ASXL1: variants seen among roughly 807,000 people sequenced by gnomAD.
The protein encoded by ASXL1 is ASXL transcriptional regulator 1.
ASXL1 carries 65 observed loss-of-function variants against 89.1 expected under a neutral mutation model. That is an observed-to-expected ratio of 0.73 (90% CI 0.60 to 0.90). The LOEUF (loss-of-function observed/expected upper bound fraction) is 0.90, where lower values mean the gene tolerates loss of function less well. Ranked by LOEUF, ASXL1 falls within the 40% of genes least tolerant of loss-of-function variation. ASXL1 has a pLI of 0.00. For synonymous variants in ASXL1, 739 were observed against 746.9 expected (o/e 0.99, Z 0.17); for missense variants, 1,786 against 1,942.9 (o/e 0.92, Z 1.52).
intron 4 of ASXL1, among the ~76,000 whole-genome samples, chr20:32,420,710 A>G (rs2049228007): frequency 6.6e-6 from 1 of 152,142 alleles, no homozygotes; most frequent in Non-Finnish European, 1.5e-5. Context: ...TTCAAAATGT[A>G]TTTGTAAAAG....
intron 4 of ASXL1, among the ~76,000 whole-genome samples, chr20:32,411,210 G>T: frequency 1.8e-5 from 2 of 112,326 alleles, no homozygotes; most frequent in Non-Finnish European, 4.0e-5. Flanking sequence ...GTGAATTTAT[G>T]GATTCTTTTT....
rs1293181309 is a variant in ASXL1, at chr20:32,363,126, GTT to G, written c.58-3255_58-3254del. On this transcript the variant is annotated intron_variant, in intron 1 of 12. Transcript: ENST00000375687. ...ATACCAAGAGCTGGAGGCATAAACAGTTTTAATAAAAAAGAATACTTTGTATC... is the reference window on the plus strand; with the variant it reads ...ATACCAAGAGCTGGAGGCATAAACAGTTAATAAAAAAGAATACTTTGTATC... 2.0e-5 allele frequency among the ~76,000 whole-genome samples: 3 copies of G among 152,124 alleles called. No homozygotes were observed. The East Asian group carries it at 5.8e-4, about 29-fold the overall frequency.
chr20:32,363,424 A>G (rs1339580355), intron 1 of ASXL1, among the ~76,000 whole-genome samples: 1 of 152,224 alleles, frequency 6.6e-6, no homozygotes, highest in African/African-American at 2.4e-5. Context: ...TGGAATACAG[A>G]GGTGGATAAG....
chr20:32,436,287 A>T lies in ASXL1; in HGVS notation c.3575A>T (p.Glu1192Val), dbSNP rs927802180. 1.9e-6 allele frequency: 3 copies of T among 1,614,086 alleles called. No individual in the cohort carries two copies. The African/African-American group carries it at 4.0e-5, about 22-fold the overall frequency. The change falls in exon 13 of 13, where the codon GAG (glutamate) becomes GTG (valine). Residue 1192 changes from glutamate (E) to valine (V), a missense_variant. Around this residue, in one of 3 missense-constraint regions of ASXL1, gnomAD observed 1,418 missense variants for 1,427.8 expected, o/e 0.99. Transcript: ENST00000375687. ...ACAGGCACTGGTCTTGCCAGGATTG[A>T]GGCCACCCAGGCTCCTGGAGCACCC... ...CETGTGLARI[E>V]ATQAPGAPQK... is the part of the protein sequence containing the mutation.
At chr20:32,434,039 G>C in intron 12 of ASXL1, 122 bp downstream of exon 12, 4 of 1,401,006 alleles carry the variant, frequency 2.9e-6, no homozygotes, top group Non-Finnish European at 3.9e-6. Flanking sequence ...AGCTTTTTAT[G>C]AGAGGTTTGC....
At chr20:32,411,130 G>GAC (rs1215839206) in intron 4 of ASXL1, among the ~76,000 whole-genome samples, 1 of 142,228 alleles carries the variant, frequency 7.0e-6, no homozygotes, top group African/African-American at 2.6e-5. Flanking sequence ...CCATTTATCT[G>GAC]ACATCTATTA....
intron 4 of ASXL1, among the ~76,000 whole-genome samples, chr20:32,408,683 G>T (rs538564396): frequency 6.6e-6 from 1 of 152,122 alleles, no homozygotes; most frequent in African/African-American, 2.4e-5. Flanking sequence ...CTCCCAAGGC[G>T]CTGGGATTAT....
At position 32,432,464 on chromosome 20, in the gene ASXL1, G is replaced by A. The variant is rs558090591; in HGVS notation, c.980-416G>A. ...GGAAGGCAGGTGTTCAGCATAAGCC[G>A]TATTGTTTGCATAAACAATTTAGGC... On this transcript the variant is annotated intron_variant, in intron 10 of 12. Coordinates refer to ENST00000375687, the MANE Select transcript of ASXL1 (RefSeq NM_015338.6). 2.3e-5 allele frequency: 6 copies of A among 255,636 alleles called. No individual in the cohort carries two copies. In the South Asian group the frequency reaches 3.0e-4, roughly 13 times the overall value. The allele number at this position is 255,636 out of a possible 1,614,324, so 15.8% of individuals were successfully genotyped here. A position where few individuals can be genotyped will look rare whatever the true frequency, so the allele number is the denominator to read the frequency against.
intron 4 of ASXL1, among the ~76,000 whole-genome samples, chr20:32,426,630 G>A (rs1315210647): frequency 2.3e-5 from 3 of 132,790 alleles, no homozygotes; most frequent in Non-Finnish European, 4.6e-5. Flanking sequence ...CGTAATCTCA[G>A]CTCACTGCAT....
intron 6 of ASXL1, chr20:32,428,670 T>G: frequency 2.3e-6 from 1 of 435,256 alleles, no homozygotes; most frequent in Admixed American, 3.8e-5. Flanking sequence ...TTTTTTTTTT[T>G]TTTTTTTTTG....
chr20:32,402,987 CTT>C (rs1219930852), intron 4 of ASXL1, among the ~76,000 whole-genome samples: 5 of 152,042 alleles, frequency 3.3e-5, no homozygotes, highest in Non-Finnish European at 7.4e-5. Flanking sequence ...TCTAAGCACT[CTT>C]TGGCTAACAA....
intron 4 of ASXL1, among the ~76,000 whole-genome samples, chr20:32,418,628 C>T (rs867878594): frequency 6.6e-6 from 1 of 152,068 alleles, no homozygotes; most frequent in Non-Finnish European, 1.5e-5. Flanking sequence ...CCTAGCATCA[C>T]CAGTCTACTC....
chr20:32,428,827 A>T, intron 6 of ASXL1: 1 of 286,038 alleles, frequency 3.5e-6, no homozygotes, highest in Non-Finnish European at 6.8e-6. Context: ...TGCCTGGCTA[A>T]TATTTGTATT....
chr20:32,398,615 G>GTT (rs1358499355), intron 4 of ASXL1, among the ~76,000 whole-genome samples: 34 of 80,790 alleles, frequency 4.2e-4, no homozygotes, highest in African/African-American at 4.3e-4. Context: ...TTTTTTTTTT[G>GTT]TTTTTTTTTT....
At chr20:32,367,237 A>T (rs1359266746) in intron 2 of ASXL1, among the ~76,000 whole-genome samples, 1 of 152,218 alleles carries the variant, frequency 6.6e-6, no homozygotes, top group African/African-American at 2.4e-5. Flanking sequence ...ATTAGCCGGC[A>T]TGGTGACGCA....
chr20:32,369,169 T>G, intron 4 of ASXL1, 46 bp downstream of exon 4: 1 of 1,530,642 alleles, frequency 6.5e-7, no homozygotes, highest in East Asian at 2.2e-5. Context: ...CTTGGACTTT[T>G]AATGTGCATA....
At chr20:32,430,630 A>G (rs1285549127) in intron 8 of ASXL1, 2 of 227,390 alleles carry the variant, frequency 8.8e-6, no homozygotes, top group Non-Finnish European at 1.8e-5. Flanking sequence ...AATGACCCAC[A>G]TGCTGGTTTT....
intron 4 of ASXL1, among the ~76,000 whole-genome samples, chr20:32,382,486 A>G (rs1394092991): frequency 6.6e-6 from 1 of 151,978 alleles, no homozygotes; most frequent in Non-Finnish European, 1.5e-5. Context: ...GTTAGAAAAA[A>G]GAGGCCAGGC....
At chr20:32,359,269 G>T (rs1399635747) in intron 1 of ASXL1, 2 of 702,410 alleles carry the variant, frequency 2.8e-6, no homozygotes, top group Non-Finnish European at 2.6e-6. Flanking sequence ...TTGACTCCGG[G>T]GGTGGAAAAG....
Sources: allele counts gnomAD v4.1 joint callset (sites outside exome capture counted in the v4.1 genomes callset), GRCh38; gene constraint gnomAD v4.1.1; regional missense constraint gnomAD v4.1.1; transcripts MANE v1.5; gene names NCBI Gene and HGNC (gene_info 2026-07-23, HGNC 2026-07-21).